OTOGL: variants seen among roughly 807,000 people sequenced by gnomAD.
The protein encoded by OTOGL is otogelin-like protein.
A neutral mutation model predicts 318.5 loss-of-function variants in OTOGL; 285 were observed. The ratio of observed to expected loss-of-function variants is 0.89; its 90% CI spans 0.81 to 0.99. The LOEUF (loss-of-function observed/expected upper bound fraction) is 0.99, where lower values mean the gene tolerates loss of function less well. Ranked by LOEUF, OTOGL falls within the 50% of genes least tolerant of loss-of-function variation. OTOGL has a pLI of 0.00. For missense variants in OTOGL, 2,899 were observed against 2,845.6 expected, an observed-to-expected ratio of 1.02 and a Z score of -0.43; for synonymous variants, 987 against 936.5, an observed-to-expected ratio of 1.05 and a Z score of -0.99.
chr12:80,125,705 T>A (rs1371862519), intron 1 of OTOGL, among the ~76,000 whole-genome samples: 6 of 152,164 alleles, frequency 3.9e-5, no homozygotes, highest in South Asian at 2.1e-4. Context: ...AATTATTGCC[T>A]CAATTTCAGA....
intron 1 of OTOGL, among the ~76,000 whole-genome samples, chr12:80,149,425 T>A (rs1872625928): frequency 6.6e-6 from 1 of 152,192 alleles, no homozygotes; most frequent in Non-Finnish European, 1.5e-5. Flanking sequence ...GTCTGCCCGT[T>A]CTCAGATCTC....
intron 20 of OTOGL, chr12:80,266,218 C>T (rs150436377): frequency 3.4e-5 from 17 of 498,482 alleles, no homozygotes; most frequent in East Asian, 2.6e-4. Flanking sequence ...TTACCATTTG[C>T]GAAGCTGAAA....
intron 1 of OTOGL, among the ~76,000 whole-genome samples, chr12:80,149,463 C>T (rs1003829426): frequency 2.0e-5 from 3 of 152,174 alleles, no homozygotes; most frequent in Non-Finnish European, 2.9e-5. Context: ...AACCACTGCT[C>T]TCTTCAAAGC....
chr12:80,308,043 G>A (rs1408754511), intron 29 of OTOGL, among the ~76,000 whole-genome samples: 1 of 140,922 alleles, frequency 7.1e-6, no homozygotes, highest in South Asian at 2.2e-4. Context: ...GGCCGCGCGG[G>A]GGGCTGATCC....
Position 80,342,147 on chromosome 12 carries a change from T to C in OTOGL, c.5250T>C (p.Ile1750=). The change falls in exon 44 of 59, where the codon ATT becomes ATC. Residue 1750 remains isoleucine, a synonymous_variant. Transcript: ENST00000547103. Reference sequence around the variant, plus strand: ...ATTTATTAAATAGAAGAATTTTCATTCCATGTCATGATAAAGTAAGTTGGA... The same window carrying C: ...ATTTATTAAATAGAAGAATTTTCATCCCATGTCATGATAAAGTAAGTTGGA... ...CIDLLNRRIF[I]PCHDKVSPED... 1 of 1,576,340 alleles carries C rather than the reference T, an allele frequency of 6.3e-7. No individual in the cohort carries two copies. Among genetic ancestry groups the C allele is most frequent in the Non-Finnish European group, 8.6e-7 (1 of 1,158,650 alleles).
chr12:80,262,225 G>T (rs903347468), intron 19 of OTOGL, 132 bp downstream of exon 19: 6 of 975,520 alleles, frequency 6.2e-6, no homozygotes, highest in Non-Finnish European at 8.1e-6. Context: ...GCCATTCCTC[G>T]TGTATTTTTT....
chr12:80,335,506 AC>A (rs1471223817), intron 38 of OTOGL, among the ~76,000 whole-genome samples: 1 of 152,092 alleles, frequency 6.6e-6, no homozygotes, highest in Non-Finnish European at 1.5e-5. Context: ...TTATGATTAT[AC>A]ACTCTAGGTG....
intron 6 of OTOGL, among the ~76,000 whole-genome samples, 173 bp downstream of exon 6, chr12:80,220,085 G>C (rs1012839446): frequency 6.6e-6 from 1 of 151,892 alleles, no homozygotes; most frequent in Non-Finnish European, 1.5e-5. Context: ...AAGTAGATAG[G>C]GCCACTTTCC....
intron 4 of OTOGL, among the ~76,000 whole-genome samples, chr12:80,216,401 T>C (rs2137329379): frequency 6.6e-6 from 1 of 152,262 alleles, no homozygotes; most frequent in East Asian, 1.9e-4. Flanking sequence ...GAAATATAAG[T>C]GCTATTGGAA....
intron 44 of OTOGL, among the ~76,000 whole-genome samples, chr12:80,351,471 A>G (rs1406834129): frequency 4.6e-5 from 7 of 151,986 alleles, no homozygotes; most frequent in Admixed American, 2.0e-4. Flanking sequence ...ACGCGCCACC[A>G]CACCTGGCTA....
At chr12:80,139,679 C>T (rs1244665983) in intron 1 of OTOGL, among the ~76,000 whole-genome samples, 1 of 152,046 alleles carries the variant, frequency 6.6e-6, no homozygotes, top group Non-Finnish European at 1.5e-5. Context: ...ATTTAAAGGC[C>T]TTTTTGAATT....
Position 80,265,443 on chromosome 12 carries a change from C to A in OTOGL, c.2224+233C>A, listed in dbSNP as rs1592629876. 5 of 525,846 alleles carry A rather than the reference C, an allele frequency of 9.5e-6. No homozygotes were observed. In the East Asian group the frequency reaches 9.7e-5, roughly 10 times the overall value. 32.6% of individuals were successfully genotyped at this position (525,846 alleles called of 1,614,324 possible). On this transcript the variant is annotated intron_variant, in intron 20 of 58. Transcript: ENST00000547103. ...TTTGTAATAAACGAAATTATTGTAA[C>A]TATGTTTTGAAATACGCAACAGAAA...
chr12:80,335,560 A>G (rs1309033906), intron 38 of OTOGL, among the ~76,000 whole-genome samples: 1 of 152,120 alleles, frequency 6.6e-6, no homozygotes, highest in Non-Finnish European at 1.5e-5. Context: ...TAAAGTATTT[A>G]AATAGCATTA....
chr12:80,210,474 T>G (rs932795220), intron 2 of OTOGL, among the ~76,000 whole-genome samples: 2 of 152,116 alleles, frequency 1.3e-5, no homozygotes, highest in East Asian at 1.9e-4. Flanking sequence ...TCTTGAGAGC[T>G]GAGGAGACTT....
At chr12:80,133,052 C>G (rs1218688420) in intron 1 of OTOGL, among the ~76,000 whole-genome samples, 1 of 152,034 alleles carries the variant, frequency 6.6e-6, no homozygotes, top group Non-Finnish European at 1.5e-5. Context: ...GTTTAAAATA[C>G]AAATGAAGTA....
At chr12:80,160,936 G>T (rs779479880) in intron 1 of OTOGL, among the ~76,000 whole-genome samples, 1 of 152,052 alleles carries the variant, frequency 6.6e-6, no homozygotes, top group African/African-American at 2.4e-5. Flanking sequence ...TCCCAGCAAC[G>T]TGAATGGAAC....
In OTOGL at chr12:80,236,899, C is replaced by T. The variant is rs1309202761; in HGVS notation, c.818-1952C>T. The stretch of plus-strand genomic sequence containing the variant: ...GCGCGATCTTGGCTCACTGTAACCT[C>T]CTCCTCCCGGGTTCAAACAAGTCTC... On this transcript the variant is annotated intron_variant, in intron 9 of 58. Coordinates refer to ENST00000547103, the MANE Select transcript of OTOGL (RefSeq NM_001378609.3). 3.3e-5 allele frequency among the ~76,000 whole-genome samples: 5 copies of T among 150,364 alleles called. No homozygotes were observed. The South Asian group carries it at 8.4e-4, about 25-fold the overall frequency.
At chr12:80,355,083 C>A (rs1889783909) in intron 46 of OTOGL, among the ~76,000 whole-genome samples, 1 of 151,726 alleles carries the variant, frequency 6.6e-6, no homozygotes, top group Non-Finnish European at 1.5e-5. Flanking sequence ...TTTGATTAGG[C>A]TAAATAAATT....
intron 1 of OTOGL, among the ~76,000 whole-genome samples, chr12:80,183,737 C>T (rs559325258): frequency 1.4e-4 from 21 of 152,148 alleles, no homozygotes; most frequent in East Asian, 1.2e-3. Context: ...TAGGATAGGC[C>T]GAGGGATGAA....
Sources: allele counts gnomAD v4.1 joint callset (sites outside exome capture counted in the v4.1 genomes callset), GRCh38; gene constraint gnomAD v4.1.1; transcripts MANE v1.5; gene names NCBI Gene and HGNC (gene_info 2026-07-23, HGNC 2026-07-21).